Variants in SPATS2 observed in about 807,000 individuals in gnomAD.
SPATS2 encodes the protein spermatogenesis associated serine rich 2, also known as spermatogenesis-associated serine-rich protein 2.
A neutral mutation model predicts 63.7 loss-of-function variants in SPATS2; 38 were observed. That is an observed-to-expected ratio of 0.60 (90% CI 0.46 to 0.78). The LOEUF is 0.78. Among genes scored for constraint, SPATS2 ranks in the 30% least tolerant of loss-of-function variants. SPATS2 has a pLI of 0.00. For synonymous variants in SPATS2, 207 were observed against 232.9 expected, an observed-to-expected ratio of 0.89 and a Z score of 1.01; for missense variants, 588 against 666.2, an observed-to-expected ratio of 0.88 and a Z score of 1.29.
upstream of SPATS2, chr12:49,367,262 C>T (rs1347300173): frequency 3.1e-6 from 1 of 318,124 alleles, no homozygotes; most frequent in Non-Finnish European, 5.7e-6. Flanking sequence ...CGAGTACGCG[C>T]CCTGAGCTCT....
At chr12:49,517,115 G>A (rs1360479617) in intron 10 of SPATS2, among the ~76,000 whole-genome samples, 1 of 152,190 alleles carries the variant, frequency 6.6e-6, no homozygotes, top group Non-Finnish European at 1.5e-5. Flanking sequence ...CATTTTGAGA[G>A]CTATAATTTT....
chr12:49,386,460 C>G (rs972143809), intron 2 of SPATS2, among the ~76,000 whole-genome samples: 1 of 152,210 alleles, frequency 6.6e-6, no homozygotes, highest in African/African-American at 2.4e-5. Flanking sequence ...GCTACTGTGC[C>G]CGGCCTCTGT....
chr12:49,393,682 A>G (rs1281437744), intron 2 of SPATS2, among the ~76,000 whole-genome samples: 2 of 152,124 alleles, frequency 1.3e-5, no homozygotes, highest in African/African-American at 4.8e-5. Flanking sequence ...ATTGATGTTC[A>G]TATTGTGTCA....
intron 12 of SPATS2, among the ~76,000 whole-genome samples, chr12:49,524,034 TAG>T (rs1946989668): frequency 6.6e-6 from 1 of 152,060 alleles, no homozygotes; most frequent in Non-Finnish European, 1.5e-5. Flanking sequence ...GAAAAAAATC[TAG>T]AGAGTAGTTT....
At chr12:49,409,555 G>C (rs1944758172) in intron 2 of SPATS2, among the ~76,000 whole-genome samples, 2 of 145,514 alleles carry the variant, frequency 1.4e-5, no homozygotes, top group South Asian at 4.4e-4. Flanking sequence ...GCCTCCCAAA[G>C]TGCTGGAATT....
In SPATS2 at chr12:49,376,623, C is replaced by T. The variant is rs75593835; in HGVS notation, c.-244+5333C>T. On this transcript the variant is annotated intron_variant, in intron 2 of 13. Coordinates refer to ENST00000552918, the MANE Select transcript of SPATS2 (RefSeq NM_023071.4). ...TGTTTCCTAGGCTGGTCTTGAATTC[C>T]TGGCCTCAAGCAGTCCATTGGCTTT... Among the ~76,000 whole-genome samples, 163 of 151,912 alleles carry T rather than the reference C, an allele frequency of 1.1e-3. 4 individuals carry two copies. In the East Asian group the frequency reaches 0.028, roughly 26 times the overall value.
intron 2 of SPATS2, among the ~76,000 whole-genome samples, chr12:49,432,676 T>A (rs1407831710): frequency 6.6e-6 from 1 of 152,194 alleles, no homozygotes; most frequent in African/African-American, 2.4e-5. Context: ...ATCATACAGT[T>A]TTTGTCTTTT....
At chr12:49,438,080 CCCA>C (rs1945349565) in intron 2 of SPATS2, among the ~76,000 whole-genome samples, 6 of 151,616 alleles carry the variant, frequency 4.0e-5, no homozygotes, top group Admixed American at 3.9e-4. Flanking sequence ...AGAACATTTC[CCCA>C]CCAAGACAGT....
chr12:49,495,794 A>T (rs1703392685), intron 7 of SPATS2, among the ~76,000 whole-genome samples: 1 of 152,334 alleles, frequency 6.6e-6, no homozygotes, highest in South Asian at 2.1e-4. Context: ...CAGGAAGATG[A>T]TGATGTTGAT....
At chr12:49,523,711 G>C (rs978805365) in intron 12 of SPATS2, among the ~76,000 whole-genome samples, 12 of 152,066 alleles carry the variant, frequency 7.9e-5, no homozygotes, top group Admixed American at 3.9e-4. Context: ...CAGCACTTTG[G>C]GAGGCTGAGG....
rs139380862 is a variant in SPATS2, at chr12:49,485,432, G to C, written c.105+763G>C. On this transcript the variant is annotated intron_variant, in intron 4 of 13. Transcript: ENST00000552918. Reference sequence around the variant, plus strand: ...GTTGGAGTGCAGTGGCACGATCTCAGCTCACTGCAATCTCTGCCTCCTGGG... The same window carrying C: ...GTTGGAGTGCAGTGGCACGATCTCACCTCACTGCAATCTCTGCCTCCTGGG... Among the ~76,000 whole-genome samples, 1,363 of 152,218 alleles carry C rather than the reference G, an allele frequency of 9.0e-3. 23 individuals are homozygous for C. The highest frequency in any genetic ancestry group is 0.031 in the African/African-American group (1,292 of 41,508).
rs574460755 is a variant in SPATS2 at position 49,500,297 on chromosome 12, GACTA to G, written c.839+97_839+100del. Reference sequence around the variant, plus strand: ...CCATTCCCCAAGTTCATTCATTCATGACTAACTACATAGTAGGAGAGACTTATAA... The same window carrying G: ...CCATTCCCCAAGTTCATTCATTCATGACTACATAGTAGGAGAGACTTATAA... On this transcript the variant is annotated intron_variant, in intron 9 of 13. Coordinates refer to ENST00000552918, the MANE Select transcript of SPATS2 (RefSeq NM_023071.4). 1.3e-4 allele frequency: 176 copies of G among 1,350,372 alleles called. 2 individuals carry two copies. In the East Asian group the frequency reaches 3.3e-3, roughly 25 times the overall value. 83.6% of individuals were successfully genotyped at this position (1,350,372 alleles called of 1,614,324 possible).
At chr12:49,518,942 T>C (rs1252730348) in intron 10 of SPATS2, 131 bp from the exon 11 acceptor site, 2 of 560,250 alleles carry the variant, frequency 3.6e-6, no homozygotes, top group African/African-American at 1.9e-5. Context: ...ACTTTTGATA[T>C]TTTCATTTTC....
chr12:49,404,398 C>T (rs754163160), intron 2 of SPATS2, among the ~76,000 whole-genome samples: 11 of 151,402 alleles, frequency 7.3e-5, no homozygotes, highest in Non-Finnish European at 1.2e-4. Flanking sequence ...GCGATCCTTC[C>T]GCCTCAGTCT....
chr12:49,512,912 GA>G (rs1327833974), intron 9 of SPATS2: 2 of 1,288,834 alleles, frequency 1.6e-6, no homozygotes, highest in Non-Finnish European at 2.0e-6. Context: ...CAAGGTTTGG[GA>G]AATGCTTTCT....
intron 3 of SPATS2, among the ~76,000 whole-genome samples, chr12:49,480,377 T>C (rs1297226123): frequency 6.6e-6 from 1 of 152,240 alleles, no homozygotes; most frequent in Non-Finnish European, 1.5e-5. Flanking sequence ...TTAATAATTT[T>C]CACTCCATAA....
At chr12:49,387,706 T>C (rs1013359102) in intron 2 of SPATS2, among the ~76,000 whole-genome samples, 10 of 149,926 alleles carry the variant, frequency 6.7e-5, no homozygotes, top group African/African-American at 1.2e-4. Context: ...TGGGGCTTCT[T>C]TGATGGACAG....
At chr12:49,441,957 G>A (rs1373368151) in intron 2 of SPATS2, 1 of 152,162 alleles carries the variant, frequency 6.6e-6, no homozygotes, top group African/African-American at 2.4e-5. Context: ...AATTCTGACA[G>A]GGAGAGCCAT....
At chr12:49,512,729 C>A in intron 9 of SPATS2, 1 of 433,934 alleles carries the variant, frequency 2.3e-6, no homozygotes, top group Non-Finnish European at 3.8e-6. Context: ...CAAGCTTTGT[C>A]AGAGAAAAAG....
Sources: gnomAD v4.1 joint callset for allele counts (sites outside exome capture counted in the v4.1 genomes callset) on GRCh38, gnomAD v4.1.1 for gene constraint, MANE v1.5 for transcripts, NCBI Gene and HGNC (gene_info 2026-07-23, HGNC 2026-07-21) for gene names.